Variants in RBFOX1 observed in about 807,000 individuals in gnomAD.
RBFOX1 encodes RNA binding fox-1 homolog 1, also known as RNA binding protein fox-1 homolog 1.
RBFOX1 carries 8 observed loss-of-function variants against 57.7 expected under a neutral mutation model. The ratio of observed to expected loss-of-function variants is 0.14; its 90% CI spans 0.08 to 0.25. The LOEUF (loss-of-function observed/expected upper bound fraction) is 0.25, where lower values mean the gene tolerates loss of function less well. Ranked by LOEUF, RBFOX1 falls within the 10% of genes least tolerant of loss-of-function variation. RBFOX1 has a pLI of 1.00. For synonymous variants in RBFOX1, 326 were observed against 222.4 expected (o/e 1.47, Z -4.15); for missense variants, 611 against 548.5 (o/e 1.11, Z -1.14).
At chr16:5,531,233 CTG>C (rs1167904138) in intron 2 of RBFOX1, among the ~76,000 whole-genome samples, 3 of 152,134 alleles carry the variant, frequency 2.0e-5, no homozygotes, top group African/African-American at 4.8e-5. Flanking sequence ...CTCAGGCACT[CTG>C]GGGTGGGTTG....
intron 3 of RBFOX1, among the ~76,000 whole-genome samples, chr16:6,815,006 T>A (rs536517438): frequency 6.6e-6 from 1 of 152,192 alleles, no homozygotes; most frequent in East Asian, 1.9e-4. Flanking sequence ...CTCATCCTTA[T>A]CATTACTTCT....
chr16:5,748,712 C>A (rs569611192), intron 3 of RBFOX1, among the ~76,000 whole-genome samples: 4 of 151,934 alleles, frequency 2.6e-5, no homozygotes, highest in African/African-American at 9.7e-5. Flanking sequence ...TTTTTGTTTT[C>A]CATTTGCTTG....
intron 3 of RBFOX1, among the ~76,000 whole-genome samples, chr16:5,668,184 G>C (rs1292720743): frequency 6.6e-6 from 1 of 152,160 alleles, no homozygotes; most frequent in Non-Finnish European, 1.5e-5. Context: ...AGGAGGCTGA[G>C]GCAGGAGAAT....
chr16:6,188,248 C>G (rs9929207), intron 1 of RBFOX1, among the ~76,000 whole-genome samples: 1 of 151,952 alleles, frequency 6.6e-6, no homozygotes, highest in Non-Finnish European at 1.5e-5. Flanking sequence ...TCTACCCACA[C>G]ATTAACTAGT....
intron 14 of RBFOX1, among the ~76,000 whole-genome samples, chr16:7,694,635 T>C (rs2078220513): frequency 6.6e-6 from 1 of 152,202 alleles, no homozygotes; most frequent in Non-Finnish European, 1.5e-5. Flanking sequence ...TCTCTGCTTC[T>C]CATTGTGAGA....
At chr16:6,891,915 C>A (rs1426530666) in intron 3 of RBFOX1, among the ~76,000 whole-genome samples, 1 of 152,278 alleles carries the variant, frequency 6.6e-6, no homozygotes, top group East Asian at 1.9e-4. Flanking sequence ...TCTTCCCTTT[C>A]TTTCCAGCAA....
At chr16:5,254,478 A>T (rs2062533028) in intron 1 of RBFOX1, among the ~76,000 whole-genome samples, 1 of 152,186 alleles carries the variant, frequency 6.6e-6, no homozygotes, top group South Asian at 2.1e-4. Context: ...GTGGATGTTT[A>T]CACTTTTTTA....
chr16:6,229,912 G>C (rs74006971), intron 1 of RBFOX1, among the ~76,000 whole-genome samples: 4 of 151,842 alleles, frequency 2.6e-5, no homozygotes, highest in African/African-American at 7.3e-5. Flanking sequence ...ATTTGTCCTC[G>C]CGAAAGTGAT....
At chr16:5,746,601 C>G (rs2052991653) in intron 3 of RBFOX1, among the ~76,000 whole-genome samples, 1 of 152,104 alleles carries the variant, frequency 6.6e-6, no homozygotes, top group South Asian at 2.1e-4. Context: ...TGTTTGTGTC[C>G]TCTTTTATTT....
chr16:7,347,667 C>CCA (rs2097041271), intron 4 of RBFOX1, among the ~76,000 whole-genome samples: 2 of 152,284 alleles, frequency 1.3e-5, no homozygotes, highest in Admixed American at 6.5e-5. Flanking sequence ...GCTACAGAGA[C>CCA]TATCAGTCTC....
intron 1 of RBFOX1, among the ~76,000 whole-genome samples, chr16:6,075,922 T>C (rs907477728): frequency 5.3e-5 from 8 of 152,206 alleles, no homozygotes; most frequent in African/African-American, 1.9e-4. Flanking sequence ...GGCAACCTAA[T>C]GAGGCAGGTA....
chr16:6,070,666 TA>T (rs57974285), intron 1 of RBFOX1, among the ~76,000 whole-genome samples: 21,329 of 150,382 alleles, frequency 0.14, 2,199 homozygotes, highest in East Asian at 0.35. Context: ...TTAGCTTTTC[TA>T]AAAAAAAAAT....
Position 6,779,965 on chromosome 16 carries a change from A to ATATATATT in RBFOX1, c.-16+125347_-16+125354dup, listed in dbSNP as rs1188535426. On this transcript the variant is annotated intron_variant, in intron 3 of 15. Transcript: ENST00000550418. The stretch of plus-strand genomic sequence containing the variant: ...TATATATTTATATATTTATATATTT[A>ATATATATT]TATATATTTATATATTTATATATTT... Among the ~76,000 whole-genome samples the ATATATATT allele has an allele frequency of 8.6e-4, 35 of 40,818 alleles. 9 individuals carry two copies. Among genetic ancestry groups the ATATATATT allele is most frequent in the Non-Finnish European group, 1.3e-3 (34 of 26,078 alleles). 26.8% of individuals were successfully genotyped at this position (40,818 alleles called of 152,430 possible).
In RBFOX1 at chr16:6,450,777, A is replaced by ATACATATATG. The variant is rs1555480496; in HGVS notation, c.-64+133722_-64+133723insCATATATGTA. Among the ~76,000 whole-genome samples the ATACATATATG allele has an allele frequency of 3.9e-3, 156 of 39,528 alleles. 9 individuals are homozygous for ATACATATATG. The highest frequency in any genetic ancestry group is 0.012 in the African/African-American group (97 of 7,940). The allele number at this position is 39,528 out of a possible 152,430, so 25.9% of individuals were successfully genotyped here. A position where few individuals can be genotyped will look rare whatever the true frequency, so the allele number is the denominator to read the frequency against. The stretch of plus-strand genomic sequence containing the variant: ...TACATATATATATGTGTATATATAT[A>ATACATATATG]TATATATATATACATATATATATGT... On this transcript the variant is annotated intron_variant, in intron 2 of 15. Transcript: ENST00000550418.
intron 3 of RBFOX1, among the ~76,000 whole-genome samples, chr16:6,763,074 AC>A (rs1346086364): frequency 6.6e-6 from 1 of 152,192 alleles, no homozygotes; most frequent in Non-Finnish European, 1.5e-5. Flanking sequence ...ATATATCAGG[AC>A]TGTATTACGA....
At chr16:7,704,920 G>T (rs147479212) in intron 14 of RBFOX1, among the ~76,000 whole-genome samples, 1 of 152,102 alleles carries the variant, frequency 6.6e-6, no homozygotes, top group South Asian at 2.1e-4. Context: ...GGTGATGGGC[G>T]CCTGTAATCC....
intron 4 of RBFOX1, among the ~76,000 whole-genome samples, chr16:7,257,015 C>A (rs969450121): frequency 2.0e-5 from 3 of 152,158 alleles, no homozygotes; most frequent in Admixed American, 6.5e-5. Flanking sequence ...CTCCTCTCCC[C>A]CTCTGATCCG....
intron 2 of RBFOX1, among the ~76,000 whole-genome samples, chr16:6,383,009 A>G (rs2091953141): frequency 6.6e-6 from 1 of 152,214 alleles, no homozygotes; most frequent in Non-Finnish European, 1.5e-5. Flanking sequence ...CTGCAGAGGC[A>G]GCGAAATCCT....
chr16:7,101,042 C>A (rs1253726664), intron 4 of RBFOX1, among the ~76,000 whole-genome samples: 3 of 152,028 alleles, frequency 2.0e-5, no homozygotes, highest in Admixed American at 6.6e-5. Context: ...TACAAAGTTA[C>A]CTATATACAC....
Sources: allele counts gnomAD v4.1 joint callset (sites outside exome capture counted in the v4.1 genomes callset), GRCh38; gene constraint gnomAD v4.1.1; transcripts MANE v1.5; gene names NCBI Gene and HGNC (gene_info 2026-07-23, HGNC 2026-07-21).